Variants in PTPRK observed in about 807,000 individuals in gnomAD.
The protein encoded by PTPRK is receptor-type tyrosine-protein phosphatase kappa.
Under a neutral mutation model 178.0 loss-of-function variants are expected in PTPRK, and 75 were observed. The ratio of observed to expected loss-of-function variants is 0.42; its 90% confidence interval spans 0.35 to 0.51. The LOEUF is 0.51. PTPRK is among the 20% of genes least tolerant of loss of function. The pLI, the probability that PTPRK is intolerant of heterozygous loss-of-function variation, is 0.02. For missense variants in PTPRK, 1,441 were observed against 1,797.8 expected (o/e 0.80, Z 3.59); for synonymous variants, 637 against 620.6 (o/e 1.03, Z -0.39).
chr6:128,238,455 C>A (rs1813758898), intron 5 of PTPRK, among the ~76,000 whole-genome samples: 1 of 151,996 alleles, frequency 6.6e-6, no homozygotes, highest in Admixed American at 6.6e-5. Context: ...GGATACAAAA[C>A]CCTTTTTATT....
intron 15 of PTPRK, among the ~76,000 whole-genome samples, chr6:128,000,854 T>C (rs1777755812): frequency 6.6e-6 from 1 of 151,986 alleles, no homozygotes; most frequent in Non-Finnish European, 1.5e-5. Context: ...TTTTACCTGC[T>C]GGAGTAGCAG....
In PTPRK at chr6:128,299,949, G is replaced by A. The variant is rs572158387; in HGVS notation, c.495+22090C>T. Reference sequence around the variant, plus strand: ...AGTGAACAGGCAACCTACAAAATGGGAGAAAATTTTCGCAACCTACTCATC... The same window carrying A: ...AGTGAACAGGCAACCTACAAAATGGAAGAAAATTTTCGCAACCTACTCATC... On this transcript the variant is annotated intron_variant, in intron 3 of 29. Transcript: ENST00000368226. Among the ~76,000 whole-genome samples the A allele has an allele frequency of 2.6e-5, 4 of 151,976 alleles. No homozygotes were observed. In the South Asian group the frequency reaches 8.4e-4, roughly 32 times the overall value.
At chr6:128,434,268 T>C (rs988532031) in intron 1 of PTPRK, among the ~76,000 whole-genome samples, 7 of 152,168 alleles carry the variant, frequency 4.6e-5, no homozygotes, top group African/African-American at 1.4e-4. Context: ...AATTGTATAA[T>C]TGTGGACTTT....
chr6:128,420,666 A>G lies in PTPRK; in HGVS notation c.101-22978T>C, dbSNP rs530383214. Among the ~76,000 whole-genome samples, 5 of 152,348 alleles carry G rather than the reference A, an allele frequency of 3.3e-5. No homozygotes were observed. The South Asian group carries it at 1.0e-3, about 32-fold the overall frequency. On this transcript the variant is annotated intron_variant, in intron 1 of 29. Coordinates refer to ENST00000368226, the MANE Select transcript of PTPRK (RefSeq NM_002844.4). Reference sequence around the variant, plus strand: ...ATTTAGAGAGCAGCAGGAATTTTACATTTGCCATTTACAGTCAGGAAGAAC... The same window carrying G: ...ATTTAGAGAGCAGCAGGAATTTTACGTTTGCCATTTACAGTCAGGAAGAAC...
rs143677725 is a variant in PTPRK at position 128,326,728 on chromosome 6, C to T, written c.224-4418G>A. The stretch of plus-strand genomic sequence containing the variant: ...GGAAAAATATGTAGCAAAATCTTAA[C>T]GGTATATTATCTGGTGGGCTGTAAT... On this transcript the variant is annotated intron_variant, in intron 2 of 29. Transcript: ENST00000368226. Among the ~76,000 whole-genome samples the T allele has an allele frequency of 8.0e-4, 121 of 152,024 alleles. No individual in the cohort carries two copies. In the East Asian group the frequency reaches 0.011, roughly 14 times the overall value.
intron 3 of PTPRK, among the ~76,000 whole-genome samples, chr6:128,246,401 C>G (rs1815460314): frequency 6.6e-6 from 1 of 151,672 alleles, no homozygotes; most frequent in South Asian, 2.1e-4. Flanking sequence ...AAATTGAGGC[C>G]TTGATTTAAA....
At chr6:128,179,512 C>T (rs1801591557) in intron 7 of PTPRK, among the ~76,000 whole-genome samples, 1 of 151,594 alleles carries the variant, frequency 6.6e-6, no homozygotes, top group African/African-American at 2.4e-5. Flanking sequence ...TTTTAAATTT[C>T]TTGCTCAAAA....
intron 24 of PTPRK, among the ~76,000 whole-genome samples, chr6:127,982,230 C>T (rs1775428399): frequency 6.6e-6 from 1 of 152,128 alleles, no homozygotes; most frequent in Non-Finnish European, 1.5e-5. Context: ...GCTATAAATA[C>T]ACACTAAATA....
chr6:127,987,231 G>T (rs1776079518), intron 21 of PTPRK, among the ~76,000 whole-genome samples: 1 of 145,520 alleles, frequency 6.9e-6, no homozygotes, highest in Admixed American at 6.8e-5. Flanking sequence ...TCAAATATGT[G>T]GTTAAAAAAA....
At position 128,040,860 on chromosome 6, in the gene PTPRK, C is replaced by T. The variant is rs549585597; in HGVS notation, c.2194+23898G>A. On this transcript the variant is annotated intron_variant, in intron 13 of 29. Coordinates refer to ENST00000368226, the MANE Select transcript of PTPRK (RefSeq NM_002844.4). ...TTTACCAGTTAATACAGAATGAGCT[C>T]TTGAATACAGAATAGGAAATATAAG... Among the ~76,000 whole-genome samples the T allele has an allele frequency of 2.0e-5, 3 of 152,056 alleles. No homozygotes were observed. The South Asian group carries it at 6.2e-4, about 32-fold the overall frequency.
intron 13 of PTPRK, among the ~76,000 whole-genome samples, chr6:128,022,442 C>A (rs944586412): frequency 2.7e-4 from 41 of 152,250 alleles, no homozygotes; most frequent in African/African-American, 9.9e-4. Context: ...TTCATTTTTC[C>A]TTGACCTTTA....
At chr6:128,131,866 G>C (rs1340324143) in intron 7 of PTPRK, among the ~76,000 whole-genome samples, 1 of 152,148 alleles carries the variant, frequency 6.6e-6, no homozygotes, top group African/African-American at 2.4e-5. Flanking sequence ...TGAAAAATGA[G>C]TCATCACTTT....
At chr6:128,308,451 G>A (rs539134955) in intron 3 of PTPRK, among the ~76,000 whole-genome samples, 110 of 151,338 alleles carry the variant, frequency 7.3e-4, no homozygotes, top group Non-Finnish European at 1.0e-3. Flanking sequence ...TTAAATACAC[G>A]AACTGCTTGC....
chr6:128,329,761 T>C (rs1372573654), intron 2 of PTPRK, among the ~76,000 whole-genome samples: 1 of 149,194 alleles, frequency 6.7e-6, no homozygotes, highest in Non-Finnish European at 1.5e-5. Context: ...ATTTCAAATG[T>C]TAATCACATC....
intron 10 of PTPRK, among the ~76,000 whole-genome samples, chr6:128,079,655 T>C (rs1288844421): frequency 6.6e-6 from 1 of 152,080 alleles, no homozygotes; most frequent in East Asian, 1.9e-4. Context: ...GTGCATTATC[T>C]CTATCCATTC....
chr6:128,123,949 C>G (rs1042794244), intron 7 of PTPRK, among the ~76,000 whole-genome samples: 4 of 152,074 alleles, frequency 2.6e-5, no homozygotes, highest in Admixed American at 6.6e-5. Context: ...AACAACATGA[C>G]TTATCACTGT....
intron 7 of PTPRK, among the ~76,000 whole-genome samples, chr6:128,162,968 T>C (rs889668858): frequency 1.3e-5 from 2 of 151,568 alleles, no homozygotes; most frequent in Admixed American, 1.3e-4. Flanking sequence ...GTTTTATATA[T>C]AATACTTAAT....
chr6:128,336,564 A>G (rs577314108), intron 2 of PTPRK, among the ~76,000 whole-genome samples: 2 of 152,264 alleles, frequency 1.3e-5, no homozygotes, highest in East Asian at 1.9e-4. Flanking sequence ...ATTGTGATAT[A>G]CTTTCAGGCT....
intron 17 of PTPRK, among the ~76,000 whole-genome samples, chr6:127,996,383 T>C (rs987662391): frequency 9.9e-5 from 15 of 152,144 alleles, no homozygotes; most frequent in Non-Finnish European, 1.5e-5. Flanking sequence ...CAGCAAGTTA[T>C]CTCCACAGGG....
Sources: allele counts gnomAD v4.1 joint callset (sites outside exome capture counted in the v4.1 genomes callset), GRCh38; gene constraint gnomAD v4.1.1; transcripts MANE v1.5; gene names NCBI Gene and HGNC (gene_info 2026-07-23, HGNC 2026-07-21).